Variants in EBF1 observed in about 807,000 individuals in gnomAD.
EBF1 encodes the protein EBF transcription factor 1.
A neutral mutation model predicts 68.4 loss-of-function variants in EBF1; 10 were observed. The ratio of observed to expected loss-of-function variants is 0.15; its 90% CI spans 0.09 to 0.25. The LOEUF (loss-of-function observed/expected upper bound fraction) is 0.25. Among genes scored for constraint, EBF1 ranks in the 10% least tolerant of loss-of-function variants. The probability of loss-of-function intolerance (pLI) is 1.00; values close to 1 mark genes in which losing one functional copy is unlikely to be tolerated. For synonymous variants in EBF1, 298 were observed against 299.8 expected, an observed-to-expected ratio of 0.99 and a Z score of 0.06; for missense variants, 509 against 794.4, an observed-to-expected ratio of 0.64 and a Z score of 4.32.
intron 4 of EBF1, among the ~76,000 whole-genome samples, chr5:159,091,052 C>A (rs1781532548): frequency 6.6e-6 from 1 of 152,196 alleles, no homozygotes; most frequent in Admixed American, 6.5e-5. Flanking sequence ...TCCAAACACT[C>A]CTTCATCGCT....
At chr5:158,998,451 A>T (rs1761893275) in intron 6 of EBF1, among the ~76,000 whole-genome samples, 1 of 152,188 alleles carries the variant, frequency 6.6e-6, no homozygotes, top group Non-Finnish European at 1.5e-5. Context: ...TGAGAGTTCC[A>T]CAAGGCCAGG....
At chr5:158,824,811 C>T (rs1785687597) in intron 7 of EBF1, among the ~76,000 whole-genome samples, 1 of 152,242 alleles carries the variant, frequency 6.6e-6, no homozygotes, top group East Asian at 1.9e-4. Flanking sequence ...CTTAAAAGTT[C>T]CACTGTCCTC....
chr5:158,871,306 TTCTGCATGAGAACAAA>T (rs1796827960), intron 6 of EBF1, among the ~76,000 whole-genome samples: 1 of 152,156 alleles, frequency 6.6e-6, no homozygotes, highest in Non-Finnish European at 1.5e-5. Flanking sequence ...AAAAACAAAG[TTCTGCATGAGAACAAA>T]TCTGCATGAC....
At chr5:158,840,163 G>A (rs1437111914) in intron 6 of EBF1, 53 bp from the exon 7 acceptor site, 7 of 1,375,944 alleles carry the variant, frequency 5.1e-6, no homozygotes, top group East Asian at 2.3e-5. Context: ...ACACGGGAGG[G>A]AAAAAAGAGG....
intron 6 of EBF1, among the ~76,000 whole-genome samples, chr5:158,913,995 A>G (rs149532334): frequency 6.6e-5 from 10 of 152,340 alleles, no homozygotes; most frequent in Admixed American, 5.9e-4. Flanking sequence ...TTAAGACCAG[A>G]TATCAATAAT....
intron 6 of EBF1, among the ~76,000 whole-genome samples, chr5:158,895,582 C>G (rs1007902980): frequency 2.0e-5 from 3 of 152,096 alleles, no homozygotes; most frequent in Admixed American, 6.6e-5. Context: ...AGTCATCTGC[C>G]CTGCCCAGGT....
At chr5:158,797,664 G>A (rs913720251) in intron 8 of EBF1, among the ~76,000 whole-genome samples, 1 of 152,144 alleles carries the variant, frequency 6.6e-6, no homozygotes, top group African/African-American at 2.4e-5. Context: ...AGTCCAGCCC[G>A]GTGGGACCAT....
intron 6 of EBF1, among the ~76,000 whole-genome samples, chr5:158,915,126 C>T (rs2127381881): frequency 6.6e-6 from 1 of 152,256 alleles, no homozygotes; most frequent in East Asian, 1.9e-4. Flanking sequence ...TCAGGCTCTA[C>T]CGGAGTATTA....
chr5:159,075,150 T>A (rs1024872512), intron 5 of EBF1, among the ~76,000 whole-genome samples: 1 of 152,192 alleles, frequency 6.6e-6, no homozygotes, highest in Admixed American at 6.5e-5. Flanking sequence ...TTTCCTCATC[T>A]GTAAAATGGA....
chr5:158,852,870 T>C (rs1043849063), intron 6 of EBF1, among the ~76,000 whole-genome samples: 4 of 152,196 alleles, frequency 2.6e-5, no homozygotes, highest in African/African-American at 9.7e-5. Context: ...ATGTCACTTT[T>C]GAACAGCTTC....
intron 6 of EBF1, among the ~76,000 whole-genome samples, chr5:159,006,647 TAAAAAAAAA>T (rs36045942): frequency 3.8e-3 from 212 of 56,200 alleles, no homozygotes; most frequent in African/African-American, 0.015. Flanking sequence ...ATAGCCATGT[TAAAAAAAAA>T]AAAAAAAAAA....
intron 7 of EBF1, among the ~76,000 whole-genome samples, chr5:158,825,171 T>A (rs1327236088): frequency 6.6e-6 from 1 of 152,192 alleles, no homozygotes; most frequent in Non-Finnish European, 1.5e-5. Flanking sequence ...GCTTGTATGT[T>A]TACAGGTTAA....
intron 9 of EBF1, among the ~76,000 whole-genome samples, chr5:158,794,668 C>T (rs527930747): frequency 8.5e-5 from 13 of 152,180 alleles, no homozygotes; most frequent in Non-Finnish European, 1.8e-4. Context: ...ATTATATTTA[C>T]TCTTCCCATC....
rs182984117 is a variant in EBF1 at position 158,700,787 on chromosome 5, C to T, written c.1745-1645G>A. 8.9e-4 allele frequency among the ~76,000 whole-genome samples: 135 copies of T among 152,264 alleles called. 2 individuals are homozygous for T. The East Asian group carries it at 0.018, about 20-fold the overall frequency. On this transcript the variant is annotated intron_variant, in intron 15 of 15. Coordinates refer to ENST00000313708, the MANE Select transcript of EBF1 (RefSeq NM_024007.5). ...CATCCAAATGTTGTTTTGCAAGAGC[C>T]TTTTTGCAGCCCAAAAGCTCCTGGA...
intron 6 of EBF1, among the ~76,000 whole-genome samples, chr5:159,030,234 T>A (rs1312127038): frequency 6.6e-6 from 1 of 152,066 alleles, no homozygotes. Context: ...ATGATTATAA[T>A]TGGATTATGG....
At chr5:159,069,694 T>C (rs1234001936) in intron 6 of EBF1, among the ~76,000 whole-genome samples, 11 of 152,162 alleles carry the variant, frequency 7.2e-5, no homozygotes, top group Non-Finnish European at 1.3e-4. Context: ...TATGTGACTT[T>C]TGTCATTATC....
chr5:158,708,207 C>G, intron 14 of EBF1, 34 bp from the exon 15 acceptor site: 1 of 1,545,888 alleles, frequency 6.5e-7, no homozygotes, highest in South Asian at 1.2e-5. Context: ...GAAATCAGTG[C>G]CTTTCATGGC....
chr5:158,701,212 G>A (rs974928995), intron 15 of EBF1, among the ~76,000 whole-genome samples: 1 of 152,122 alleles, frequency 6.6e-6, no homozygotes, highest in Non-Finnish European at 1.5e-5. Flanking sequence ...TGCGTGCCTG[G>A]CATTAAAGAG....
chr5:159,024,401 G>A lies in EBF1; in HGVS notation c.554+48995C>T, dbSNP rs1042399316. On this transcript the variant is annotated intron_variant, in intron 6 of 15. Coordinates refer to ENST00000313708, the MANE Select transcript of EBF1 (RefSeq NM_024007.5). Reference sequence around the variant, plus strand: ...AACTACGTAATTTTTCCAATTTTACGGCCCTTGCTTGATATATTTTGGAAA... The same window carrying A: ...AACTACGTAATTTTTCCAATTTTACAGCCCTTGCTTGATATATTTTGGAAA... 5.3e-5 allele frequency among the ~76,000 whole-genome samples: 8 copies of A among 152,072 alleles called. No individual in the cohort carries two copies. The East Asian group carries it at 5.8e-4, about 11-fold the overall frequency.
Sources: allele counts gnomAD v4.1 joint callset (sites outside exome capture counted in the v4.1 genomes callset), GRCh38; gene constraint gnomAD v4.1.1; transcripts MANE v1.5; gene names NCBI Gene and HGNC (gene_info 2026-07-23, HGNC 2026-07-21).